AK8: variants seen among roughly 807,000 people sequenced by gnomAD.
AK8 encodes ATP-AMP transphosphorylase 8.
AK8 carries 44 observed loss-of-function variants against 54.6 expected under a neutral mutation model. The ratio of observed to expected loss-of-function variants is 0.81; its 90% CI spans 0.63 to 1.04. The LOEUF (loss-of-function observed/expected upper bound fraction) is 1.04, where lower values mean the gene tolerates loss of function less well. Ranked by LOEUF, AK8 falls within the 50% of genes least tolerant of loss-of-function variation. The probability of loss-of-function intolerance (pLI) is 0.00; values close to 1 mark genes in which losing one functional copy is unlikely to be tolerated. For synonymous variants in AK8, 239 were observed against 245.6 expected (o/e 0.97, Z 0.25); for missense variants, 555 against 613.6 (o/e 0.90, Z 1.01).
At chr9:132,745,181 T>A (rs1475956744) in intron 11 of AK8, among the ~76,000 whole-genome samples, 1 of 152,208 alleles carries the variant, frequency 6.6e-6, no homozygotes, top group Non-Finnish European at 1.5e-5. Flanking sequence ...TGGGGCCTTA[T>A]GAATGTTTAC....
intron 12 of AK8, 69 bp from the exon 13 acceptor site, chr9:132,725,994 ACT>A: frequency 6.9e-7 from 1 of 1,452,458 alleles, no homozygotes; most frequent in Non-Finnish European, 9.5e-7. Flanking sequence ...GGGACCCTCT[ACT>A]CTACTGTGGA....
chr9:132,855,625 T>C (rs1843146303), intron 4 of AK8, among the ~76,000 whole-genome samples: 1 of 152,190 alleles, frequency 6.6e-6, no homozygotes, highest in African/African-American at 2.4e-5. Flanking sequence ...GCAGACCAAA[T>C]GGTATCAAGG....
Position 132,727,525 on chromosome 9 carries a change from G to A in AK8, c.1131C>T (p.Phe377=). 1 of 1,613,696 alleles carries A rather than the reference G, an allele frequency of 6.2e-7. No homozygotes were observed. The highest frequency in any genetic ancestry group is 1.6e-4 in the Middle Eastern group (1 of 6,062). ...RLGYNPNRVF[F]LNVPFDSIME... The stretch of plus-strand genomic sequence containing the variant: ...TGATGGAATCAAATGGCACATTCAG[G>A]AAAAACACCCTATAAGGAAATAAAC... Residue 377 remains phenylalanine (F), a synonymous_variant, in exon 12 of 13, where the codon TTC becomes TTT. Transcript: ENST00000298545.
chr9:132,776,700 G>A (rs1043939290), intron 11 of AK8, among the ~76,000 whole-genome samples: 6 of 151,972 alleles, frequency 3.9e-5, no homozygotes, highest in East Asian at 1.9e-4. Flanking sequence ...AGTGTGCCTC[G>A]ATCCCAAAAG....
At chr9:132,800,919 C>CTTTTTTTT (rs34462868) in intron 10 of AK8, among the ~76,000 whole-genome samples, 1 of 123,814 alleles carries the variant, frequency 8.1e-6, no homozygotes, top group Non-Finnish European at 1.7e-5. Context: ...TCAGTTTGTC[C>CTTTTTTTT]TTTTTTTTTT....
At chr9:132,867,907 A>G (rs1286587362) in intron 2 of AK8, among the ~76,000 whole-genome samples, 1 of 152,252 alleles carries the variant, frequency 6.6e-6, no homozygotes, top group Admixed American at 6.5e-5. Context: ...ATGGGAAAAG[A>G]GCTGACCAGC....
At chr9:132,817,070 G>A (rs1167499975) in intron 9 of AK8, among the ~76,000 whole-genome samples, 3 of 152,176 alleles carry the variant, frequency 2.0e-5, no homozygotes, top group African/African-American at 7.2e-5. Flanking sequence ...CACAGGGCTG[G>A]GAGATGCTGG....
intron 11 of AK8, among the ~76,000 whole-genome samples, chr9:132,737,052 G>A (rs912949215): frequency 2.6e-5 from 4 of 151,958 alleles, no homozygotes; most frequent in African/African-American, 4.8e-5. Flanking sequence ...GGAGATGAGC[G>A]GTGGTGATGT....
Position 132,792,786 on chromosome 9 carries a change from G to T in AK8, c.980-11C>A, listed in dbSNP as rs1159977046. ...GGAGGCTGTCAGGAACTGCAGAGAA[G>T]GGGGGCAAGTGAGTACCCTGCTGGC... On this transcript the variant is annotated splice_polypyrimidine_tract_variant and intron_variant, in intron 10 of 12. Transcript: ENST00000298545. 2 of 1,556,696 alleles carry T rather than the reference G, an allele frequency of 1.3e-6. No homozygotes were observed. Among genetic ancestry groups the T allele is most frequent in the East Asian group, 2.4e-5 (1 of 41,518 alleles).
chr9:132,754,087 A>G (rs993831173), intron 11 of AK8, among the ~76,000 whole-genome samples: 3 of 152,174 alleles, frequency 2.0e-5, no homozygotes, highest in Non-Finnish European at 4.4e-5. Flanking sequence ...CTGAGAACCC[A>G]CTGAGGTCAG....
rs918258711 is a variant in AK8 at position 132,773,281 on chromosome 9, T to C, written c.1121+19353A>G. Among the ~76,000 whole-genome samples the C allele has an allele frequency of 8.5e-5, 13 of 152,242 alleles. No homozygotes were observed. In the East Asian group the frequency reaches 1.5e-3, roughly 18 times the overall value. ...CTCATTCCCTCACTCCATATAAGCCTCTGCTCAAGCATCATCAGAAAGGCC... is the reference window on the plus strand; with the variant it reads ...CTCATTCCCTCACTCCATATAAGCCCCTGCTCAAGCATCATCAGAAAGGCC... On this transcript the variant is annotated intron_variant, in intron 11 of 12. Transcript: ENST00000298545.
intron 9 of AK8, 131 bp downstream of exon 9, chr9:132,823,074 G>C (rs1442148477): frequency 1.6e-6 from 2 of 1,285,672 alleles, no homozygotes; most frequent in African/African-American, 3.1e-5. Context: ...TAAGAACAAA[G>C]AGCCAGAAAG....
At chr9:132,761,685 T>G (rs938517899) in intron 11 of AK8, among the ~76,000 whole-genome samples, 21 of 152,334 alleles carry the variant, frequency 1.4e-4, no homozygotes, top group South Asian at 1.2e-3. Context: ...TTGTAATCTG[T>G]TATATTTATG....
chr9:132,846,947 G>A (rs901042291), intron 5 of AK8, among the ~76,000 whole-genome samples: 5 of 152,228 alleles, frequency 3.3e-5, no homozygotes, highest in African/African-American at 1.2e-4. Flanking sequence ...CCTGATGCCA[G>A]GCTCAGACGC....
chr9:132,850,642 C>T (rs1397241993), intron 5 of AK8, among the ~76,000 whole-genome samples: 1 of 152,136 alleles, frequency 6.6e-6, no homozygotes, highest in Non-Finnish European at 1.5e-5. Context: ...AGGTGATCCG[C>T]CCGCCTCGCC....
At chr9:132,847,894 C>T (rs1385069439) in intron 5 of AK8, among the ~76,000 whole-genome samples, 1 of 151,596 alleles carries the variant, frequency 6.6e-6, no homozygotes, top group Non-Finnish European at 1.5e-5. Flanking sequence ...GCAGGAGGAT[C>T]GTTTCAGCCC....
At chr9:132,748,806 C>T (rs957537303) in intron 11 of AK8, among the ~76,000 whole-genome samples, 11 of 151,916 alleles carry the variant, frequency 7.2e-5, no homozygotes, top group African/African-American at 1.2e-4. Context: ...ATGGTTTGGA[C>T]AAGGAGGGTG....
Position 132,814,729 on chromosome 9 carries a change from T to G in AK8, c.890-2A>C. ...CTTTCAGCAGTTGCCCACAGCAGAC[T>G]GAAGGAGAGGGGAACAGAAAGACAC... On this transcript the variant is annotated splice_acceptor_variant, in intron 9 of 12. Coordinates refer to ENST00000298545, the MANE Select transcript of AK8 (RefSeq NM_152572.3). LOFTEE classifies it high-confidence loss of function. 1 of 1,612,092 alleles carries G rather than the reference T, an allele frequency of 6.2e-7. No homozygotes were observed. The highest frequency in any genetic ancestry group is 8.5e-7 in the Non-Finnish European group (1 of 1,179,546).
chr9:132,741,639 G>T (rs72773429), intron 11 of AK8, among the ~76,000 whole-genome samples: 1 of 148,916 alleles, frequency 6.7e-6, no homozygotes, highest in Non-Finnish European at 1.5e-5. Flanking sequence ...CCTAGTTTTC[G>T]TTTTTGTTTT....
Sources: allele counts gnomAD v4.1 joint callset (sites outside exome capture counted in the v4.1 genomes callset), GRCh38; gene constraint gnomAD v4.1.1; transcripts MANE v1.5; gene names NCBI Gene and HGNC (gene_info 2026-07-23, HGNC 2026-07-21).